The following MAP3K1 variants were observed in gnomAD, a reference collection of about 807,000 sequenced individuals.
MAP3K1 encodes the protein MAP/ERK kinase kinase 1.
A neutral mutation model predicts 144.2 loss-of-function variants in MAP3K1; 36 were observed. That is an observed-to-expected ratio of 0.25 (90% CI 0.19 to 0.33). The LOEUF is 0.33. Ranked by LOEUF, MAP3K1 falls within the 10% of genes least tolerant of loss-of-function variation. The pLI, the probability that MAP3K1 is intolerant of heterozygous loss-of-function variation, is 1.00. For missense variants in MAP3K1, 1,650 were observed against 1,881.9 expected (o/e 0.88, Z 2.28); for synonymous variants, 718 against 688.7 (o/e 1.04, Z -0.67).
intron 1 of MAP3K1, among the ~76,000 whole-genome samples, chr5:56,850,040 A>G (rs576930763): frequency 2.6e-5 from 4 of 152,362 alleles, no homozygotes; most frequent in African/African-American, 9.6e-5. Context: ...ATCCTTGGGA[A>G]GGAATTGTCA....
At chr5:56,818,670 G>C (rs942290497) in intron 1 of MAP3K1, among the ~76,000 whole-genome samples, 3 of 151,986 alleles carry the variant, frequency 2.0e-5, no homozygotes, top group African/African-American at 4.8e-5. Context: ...CCTATTTACT[G>C]TCTTTGAAGA....
chr5:56,875,351 G>A (rs781330525), intron 10 of MAP3K1, 41 bp downstream of exon 10: 1 of 1,605,506 alleles, frequency 6.2e-7, no homozygotes, highest in Non-Finnish European at 8.5e-7. Flanking sequence ...TATGGGTTTG[G>A]GGTTTTTTGA....
intron 17 of MAP3K1, among the ~76,000 whole-genome samples, chr5:56,886,406 A>G (rs1370821675): frequency 1.3e-5 from 2 of 152,200 alleles, no homozygotes; most frequent in Non-Finnish European, 2.9e-5. Flanking sequence ...TCTGTCTCAA[A>G]GAAGAACAAA....
chr5:56,888,704 G>A (rs1365734303), intron 19 of MAP3K1, among the ~76,000 whole-genome samples: 2 of 152,222 alleles, frequency 1.3e-5, no homozygotes, highest in Non-Finnish European at 2.9e-5. Context: ...TGTGTTGTCA[G>A]ATGATTTTGC....
Position 56,883,673 on chromosome 5 carries a change from T to C in MAP3K1, c.3813T>C (p.Val1271=). Residue 1271 remains valine (V), a synonymous_variant, in exon 15 of 20, where the codon GTT becomes GTC. Transcript: ENST00000399503. ...TGGGAACTGGAACTTTAATGGCTGT[T>C]AAACAGGTAAATATCTAGTGAGCAT... ...QDVGTGTLMA[V]KQVTYVRNTS... 2 of 1,614,004 alleles carry C rather than the reference T, an allele frequency of 1.2e-6. No homozygotes were observed. Among genetic ancestry groups the C allele is most frequent in the Non-Finnish European group, 1.7e-6 (2 of 1,179,918 alleles).
chr5:56,878,084 G>A (rs1161227126), intron 10 of MAP3K1, among the ~76,000 whole-genome samples: 2 of 152,160 alleles, frequency 1.3e-5, no homozygotes, highest in Non-Finnish European at 2.9e-5. Flanking sequence ...TGTCAGTTAA[G>A]GTAATGTCTA....
At position 56,893,705 on chromosome 5, in the gene MAP3K1, A is replaced by G. The variant is rs559956164; in HGVS notation, c.*25A>G. ...GCCAATTATGCAGATCAACTACAGT[A>G]GAAACAGGATGCTCAACAAGAGAAA... On this transcript the variant is annotated 3_prime_UTR_variant, in exon 20 of 20. Transcript: ENST00000399503. 13 of 1,613,026 alleles carry G rather than the reference A, an allele frequency of 8.1e-6. No homozygotes were observed. The East Asian group carries it at 1.6e-4, about 19-fold the overall frequency.
At chr5:56,837,516 T>G (rs1233344438) in intron 1 of MAP3K1, among the ~76,000 whole-genome samples, 1 of 152,168 alleles carries the variant, frequency 6.6e-6, no homozygotes, top group Non-Finnish European at 1.5e-5. Context: ...TCAGTGAAGC[T>G]TATTTACATC....
At position 56,894,836 on chromosome 5, in the gene MAP3K1, G is replaced by A. The variant is rs1748655810; in HGVS notation, c.*1156G>A. ...AAACAGTACATTTGCTTTGAACTTG[G>A]AAAATGTGTTCAGAAAGAAAAATGG... is the stretch of plus-strand genomic sequence containing the variant. On this transcript the variant is annotated 3_prime_UTR_variant, in exon 20 of 20. Coordinates refer to ENST00000399503, the MANE Select transcript of MAP3K1 (RefSeq NM_005921.2). 2 of 231,940 alleles carry A rather than the reference G, an allele frequency of 8.6e-6. No homozygotes were observed. The highest frequency in any genetic ancestry group is 3.6e-4 in the South Asian group (2 of 5,512). The allele number at this position is 231,940 out of a possible 1,614,324, so 14.4% of individuals were successfully genotyped here.
chr5:56,841,221 A>G (rs1463062647), intron 1 of MAP3K1, among the ~76,000 whole-genome samples: 1 of 151,730 alleles, frequency 6.6e-6, no homozygotes, highest in East Asian at 1.9e-4. Flanking sequence ...AAAAAACTAG[A>G]CAGGTTAATA....
At chr5:56,846,123 G>A (rs1014512269) in intron 1 of MAP3K1, among the ~76,000 whole-genome samples, 1 of 152,206 alleles carries the variant, frequency 6.6e-6, no homozygotes, top group African/African-American at 2.4e-5. Flanking sequence ...GCAGAACAAT[G>A]TTGTTTTTCT....
At chr5:56,851,547 T>G (rs1165453785) in intron 1 of MAP3K1, among the ~76,000 whole-genome samples, 2 of 152,176 alleles carry the variant, frequency 1.3e-5, no homozygotes, top group African/African-American at 2.4e-5. Flanking sequence ...ATCCCTGTCT[T>G]TCTTCTAATT....
At chr5:56,828,650 A>G (rs1346156194) in intron 1 of MAP3K1, among the ~76,000 whole-genome samples, 1 of 152,220 alleles carries the variant, frequency 6.6e-6, no homozygotes, top group African/African-American at 2.4e-5. Flanking sequence ...GAGAAAATAA[A>G]TTAGGTCAAA....
At position 56,881,858 on chromosome 5, in the gene MAP3K1, G is replaced by A; in HGVS notation, c.2658G>A (p.Gln886=). The A allele has an allele frequency of 6.2e-7, 1 of 1,614,098 alleles. No individual in the cohort carries two copies. The highest frequency in any genetic ancestry group is 1.3e-5 in the African/African-American group (1 of 75,032). The part of the protein sequence containing the change: ...TLDGQQDSFL[Q]ASVPNNYLET... Reference sequence around the variant, plus strand: ...ATGGTCAACAGGACAGCTTCTTGCAGGCATCTGTTCCCAACAACTATCTGG... The same window carrying A: ...ATGGTCAACAGGACAGCTTCTTGCAAGCATCTGTTCCCAACAACTATCTGG... The change falls in exon 14 of 20, where the codon CAG becomes CAA. Residue 886 remains glutamine, a synonymous_variant. Transcript: ENST00000399503.
chr5:56,863,751 T>C (rs832573), intron 3 of MAP3K1, among the ~76,000 whole-genome samples: 93,424 of 152,060 alleles, frequency 0.61, 29,893 homozygotes, highest in Non-Finnish European at 0.72. Flanking sequence ...CTGCCAGCAC[T>C]ATATGAGAAT....
intron 1 of MAP3K1, among the ~76,000 whole-genome samples, chr5:56,829,256 A>G (rs1746414154): frequency 1.3e-5 from 2 of 150,450 alleles, no homozygotes. Context: ...ATCATGACTC[A>G]CTGCAGCGTC....
At chr5:56,886,295 T>A (rs778223375) in intron 17 of MAP3K1, among the ~76,000 whole-genome samples, 3 of 152,070 alleles carry the variant, frequency 2.0e-5, no homozygotes, top group Non-Finnish European at 2.9e-5. Flanking sequence ...TCCTGGCTAT[T>A]TGGGAGGCTG....
chr5:56,842,912 G>A (rs1380984444), intron 1 of MAP3K1, among the ~76,000 whole-genome samples: 1 of 152,096 alleles, frequency 6.6e-6, no homozygotes, highest in Non-Finnish European at 1.5e-5. Context: ...CTTAACCCAG[G>A]CAGTCTCGCT....
At chr5:56,884,553 A>T in intron 15 of MAP3K1, 111 bp from the exon 16 acceptor site, 1 of 953,924 alleles carries the variant, frequency 1.0e-6, no homozygotes, top group Non-Finnish European at 1.7e-6. Context: ...TTGCATCCAT[A>T]AGCATAAATG....
Sources: gnomAD v4.1 joint callset for allele counts (sites outside exome capture counted in the v4.1 genomes callset) on GRCh38, gnomAD v4.1.1 for gene constraint, MANE v1.5 for transcripts, NCBI Gene and HGNC (gene_info 2026-07-23, HGNC 2026-07-21) for gene names.